The following TNFSF4 variants were observed in gnomAD, a reference collection of about 807,000 sequenced individuals.
The protein encoded by TNFSF4 is TNF superfamily member 4.
In TNFSF4, 4 loss-of-function variants were observed where a neutral mutation model predicts 7.3. That is an observed-to-expected ratio of 0.55 (90% CI 0.27 to 1.25). The LOEUF (loss-of-function observed/expected upper bound fraction) is 1.25, where lower values mean the gene tolerates loss of function less well. Ranked by LOEUF, TNFSF4 falls within the 50% of genes most tolerant of loss-of-function variation. The pLI, the probability that TNFSF4 is intolerant of heterozygous loss-of-function variation, is 0.12. For missense variants in TNFSF4, 181 were observed against 208.8 expected (o/e 0.87, Z 0.82); for synonymous variants, 76 against 83.7 (o/e 0.91, Z 0.50).
chr1:173,190,549 G>A (rs1200674760), intron 1 of TNFSF4, among the ~76,000 whole-genome samples: 3 of 152,244 alleles, frequency 2.0e-5, no homozygotes, highest in East Asian at 1.9e-4. Context: ...CACATGGAGA[G>A]AGGCACTGAC....
chr1:173,448,656 G>A, the TNFSF4 span, among the ~76,000 whole-genome samples: 1 of 152,170 alleles, frequency 6.6e-6, no homozygotes, highest in African/African-American at 2.4e-5. Flanking sequence ...GAGCCAGGAT[G>A]AGCCAGGAAA....
At chr1:173,323,658 A>G in the TNFSF4 span, among the ~76,000 whole-genome samples, 14,726 of 152,264 alleles carry the variant, frequency 0.097, 824 homozygotes, top group Middle Eastern at 0.13. Context: ...AATGAGGAGA[A>G]GTCCTTAAAG....
At chr1:173,276,584 G>T in the TNFSF4 span, among the ~76,000 whole-genome samples, 984 of 152,310 alleles carry the variant, frequency 6.5e-3, 10 homozygotes, top group Non-Finnish European at 0.01. Flanking sequence ...AGGAGCTGAA[G>T]TCTAGCCCAG....
chr1:173,374,714 T>C, the TNFSF4 span, among the ~76,000 whole-genome samples: 3 of 152,194 alleles, frequency 2.0e-5, no homozygotes, highest in Admixed American at 6.5e-5. Flanking sequence ...TTTCATCACA[T>C]TATTAAGCAG....
At chr1:173,303,135 T>TTTAAGGA in the TNFSF4 span, among the ~76,000 whole-genome samples, 1 of 151,848 alleles carries the variant, frequency 6.6e-6, no homozygotes, top group Non-Finnish European at 1.5e-5. Context: ...AGACTGAGTT[T>TTTAAGGA]TTAAGGATTC....
chr1:173,309,914 T>A, the TNFSF4 span, among the ~76,000 whole-genome samples: 2 of 151,884 alleles, frequency 1.3e-5, no homozygotes, highest in Admixed American at 6.6e-5. Context: ...GTATTTGTAT[T>A]TTGTTAATAA....
At chr1:173,339,154 G>C in the TNFSF4 span, among the ~76,000 whole-genome samples, 3 of 152,130 alleles carry the variant, frequency 2.0e-5, no homozygotes, top group Non-Finnish European at 4.4e-5. Flanking sequence ...CACTTCAGGA[G>C]GATCACTTGA....
the TNFSF4 span, among the ~76,000 whole-genome samples, chr1:173,220,141 A>G: frequency 2.0e-5 from 3 of 152,190 alleles, no homozygotes; most frequent in Admixed American, 1.3e-4. Flanking sequence ...GTAGAAACTC[A>G]GCAACCTTCA....
chr1:173,223,522 G>A, the TNFSF4 span, among the ~76,000 whole-genome samples: 1 of 152,054 alleles, frequency 6.6e-6, no homozygotes, highest in African/African-American at 2.4e-5. Context: ...TAAAAATAGA[G>A]GGAAAAGACA....
the TNFSF4 span, among the ~76,000 whole-genome samples, chr1:173,410,611 T>C: frequency 6.6e-6 from 1 of 152,200 alleles, no homozygotes; most frequent in African/African-American, 2.4e-5. Flanking sequence ...GACTTGGTCA[T>C]AGGAAGCCCC....
At chr1:173,449,666 C>G in the TNFSF4 span, among the ~76,000 whole-genome samples, 1 of 152,134 alleles carries the variant, frequency 6.6e-6, no homozygotes, top group Non-Finnish European at 1.5e-5. Flanking sequence ...ACAATGCAAG[C>G]ACGGACTAAT....
chr1:173,179,266 C>G (rs775466342), downstream of TNFSF4, among the ~76,000 whole-genome samples: 1 of 152,166 alleles, frequency 6.6e-6, no homozygotes, highest in Non-Finnish European at 1.5e-5. Flanking sequence ...TGAAGCTCCA[C>G]AGCAACACGA....
chr1:173,176,928 A>C, the TNFSF4 span, among the ~76,000 whole-genome samples: 5 of 152,312 alleles, frequency 3.3e-5, no homozygotes, highest in African/African-American at 9.6e-5. Flanking sequence ...CAACAAAAAC[A>C]TGTGGACACA....
chr1:173,408,402 TATAA>T, the TNFSF4 span, among the ~76,000 whole-genome samples: 45 of 152,300 alleles, frequency 3.0e-4, no homozygotes, highest in African/African-American at 9.6e-4. Flanking sequence ...TCCATACTAA[TATAA>T]ATAATTGATT....
At chr1:173,200,474 C>A (rs1649898116) in intron 1 of TNFSF4, among the ~76,000 whole-genome samples, 1 of 152,202 alleles carries the variant, frequency 6.6e-6, no homozygotes, top group South Asian at 2.1e-4. Flanking sequence ...GGTTTTATTG[C>A]ACCATATACA....
the TNFSF4 span, among the ~76,000 whole-genome samples, chr1:173,422,413 G>T: frequency 6.6e-6 from 1 of 151,938 alleles, no homozygotes; most frequent in South Asian, 2.1e-4. Flanking sequence ...AGTGCTATGT[G>T]CCAGCCTTAA....
At chr1:173,327,327 C>A in the TNFSF4 span, among the ~76,000 whole-genome samples, 2 of 152,100 alleles carry the variant, frequency 1.3e-5, no homozygotes, top group African/African-American at 4.8e-5. Context: ...TGGATCCCTT[C>A]CTTACACCTT....
the TNFSF4 span, among the ~76,000 whole-genome samples, chr1:173,267,268 T>C: frequency 1.3e-5 from 2 of 152,268 alleles, no homozygotes; most frequent in African/African-American, 4.8e-5. Flanking sequence ...CCAACATACC[T>C]TTGCCAGGCT....
chr1:173,450,636 A>G, the TNFSF4 span, among the ~76,000 whole-genome samples: 40 of 151,776 alleles, frequency 2.6e-4, no homozygotes, highest in Middle Eastern at 6.8e-3. Context: ...AAAGCCATCA[A>G]TGTAATTCAC....
Sources: gnomAD v4.1 joint callset for allele counts (sites outside exome capture counted in the v4.1 genomes callset) on GRCh38, gnomAD v4.1.1 for gene constraint, MANE v1.5 for transcripts, NCBI Gene and HGNC (gene_info 2026-07-23, HGNC 2026-07-21) for gene names.